The following PCDH10 variants were observed in gnomAD, a reference collection of about 807,000 sequenced individuals.
PCDH10 encodes protocadherin 10.
A neutral mutation model predicts 74.4 loss-of-function variants in PCDH10; 15 were observed. That is an observed-to-expected ratio of 0.20 (90% confidence interval 0.13 to 0.31). PCDH10 has a LOEUF of 0.31. Among genes scored for constraint, PCDH10 ranks in the 10% least tolerant of loss-of-function variants. The probability of loss-of-function intolerance (pLI) is 1.00; values close to 1 mark genes in which losing one functional copy is unlikely to be tolerated. For missense variants in PCDH10, 1,260 were observed against 1,390.2 expected, an observed-to-expected ratio of 0.91 and a Z score of 1.49; for synonymous variants, 619 against 589.8, an observed-to-expected ratio of 1.05 and a Z score of -0.72.
In PCDH10 at chr4:133,191,387, T is replaced by G. The variant is rs952426371; in HGVS notation, c.*1227T>G. The G allele has an allele frequency of 2.6e-5, 4 of 152,246 alleles. No homozygotes were observed. Among genetic ancestry groups the G allele is most frequent in the Non-Finnish European group, 5.9e-5 (4 of 67,802 alleles). 9.4% of individuals were successfully genotyped at this position (152,246 alleles called of 1,614,324 possible). ...GAATAACTATAAAATATGAAAGCTC[T>G]AAATTTAAAATAAATTTAGAGATAG... On this transcript the variant is annotated 3_prime_UTR_variant, in exon 5 of 5. Transcript: ENST00000264360.
chr4:133,176,660 C>G (rs1367505808), intron 4 of PCDH10, among the ~76,000 whole-genome samples: 1 of 152,082 alleles, frequency 6.6e-6, no homozygotes, highest in Non-Finnish European at 1.5e-5. Flanking sequence ...TACAGTCTCC[C>G]TATTTTTCTG....
intron 4 of PCDH10, among the ~76,000 whole-genome samples, chr4:133,170,460 T>G (rs983900305): frequency 2.0e-5 from 3 of 152,142 alleles, no homozygotes; most frequent in African/African-American, 4.8e-5. Flanking sequence ...GTTTCGTGAT[T>G]CAGTGGTATG....
chr4:133,153,322 C>A (rs888698250), intron 1 of PCDH10: 30 of 949,066 alleles, frequency 3.2e-5, no homozygotes, highest in Non-Finnish European at 3.7e-5. Flanking sequence ...ACTCGGGTTG[C>A]AAAAAAAGCC....
At position 133,191,675 on chromosome 4, in the gene PCDH10, A is replaced by C. The variant is rs1371650942; in HGVS notation, c.*1515A>C. On this transcript the variant is annotated 3_prime_UTR_variant, in exon 5 of 5. Transcript: ENST00000264360. Reference sequence around the variant, plus strand: ...ATCAGAGAATATAAGATAATCTTTCAAGCAAAAAACAGAATTGTCACAGCT... The same window carrying C: ...ATCAGAGAATATAAGATAATCTTTCCAGCAAAAAACAGAATTGTCACAGCT... The C allele has an allele frequency of 6.6e-6, 1 of 151,822 alleles. No individual in the cohort carries two copies. The highest frequency in any genetic ancestry group is 1.5e-5 in the Non-Finnish European group (1 of 67,672). The allele number at this position is 151,822 out of a possible 1,614,324, so 9.4% of individuals were successfully genotyped here. A position where few individuals can be genotyped will look rare whatever the true frequency, so the allele number is the denominator to read the frequency against.
chr4:133,197,747 A>G (rs531717956), downstream of PCDH10, among the ~76,000 whole-genome samples: 5 of 152,294 alleles, frequency 3.3e-5, no homozygotes, highest in African/African-American at 7.2e-5. Context: ...AATCTGAAAC[A>G]CAATCCCCAT....
chr4:133,154,332 G>A lies in PCDH10; in HGVS notation c.2657G>A (p.Ser886Asn). 1 of 1,607,616 alleles carries A rather than the reference G, an allele frequency of 6.2e-7. No homozygotes were observed. ...ACTAAACACCAGCGAGCAGAGCTCA[G>A]CTATCTAGTTGACAGACCTCGCCGA... The part of the protein sequence containing the change: ...NETKHQRAEL[S>N]YLVDRPRRVN... Residue 886 changes from serine (S) to asparagine (N), a missense_variant, in exon 2 of 5, where the codon AGC becomes AAC. Ser to Asn is a conservative substitution (Grantham distance 46, BLOSUM62 1). This residue lies in a region of PCDH10 where 587 missense variants were observed against 616.9 expected (regional missense o/e 0.95). Transcript: ENST00000264360.
downstream of PCDH10, among the ~76,000 whole-genome samples, chr4:133,195,756 A>G (rs1315046857): frequency 6.6e-6 from 1 of 152,086 alleles, no homozygotes; most frequent in East Asian, 1.9e-4. Context: ...AAAATAGAAA[A>G]ATAGATTAGA....
intron 3 of PCDH10, among the ~76,000 whole-genome samples, chr4:133,162,707 C>T (rs1163133924): frequency 6.6e-6 from 1 of 152,112 alleles, no homozygotes; most frequent in Non-Finnish European, 1.5e-5. Flanking sequence ...CAATATTTTG[C>T]CCAATACCCT....
chr4:133,186,881 C>A (rs1246937816), intron 4 of PCDH10, among the ~76,000 whole-genome samples: 2 of 152,008 alleles, frequency 1.3e-5, no homozygotes, highest in East Asian at 1.9e-4. Context: ...CTAAACCCTG[C>A]TAACTTTTGT....
chr4:133,172,748 A>C (rs375484971), intron 4 of PCDH10, among the ~76,000 whole-genome samples: 1 of 151,990 alleles, frequency 6.6e-6, no homozygotes, highest in South Asian at 2.1e-4. Flanking sequence ...TATTTCCTTG[A>C]TAATATAGGG....
chr4:133,180,035 T>G (rs11931561), intron 4 of PCDH10, among the ~76,000 whole-genome samples: 9,153 of 152,070 alleles, frequency 0.06, 724 homozygotes, highest in African/African-American at 0.19. Context: ...CTATTTTATC[T>G]TCTTTCAAAT....
chr4:133,182,376 G>A (rs1727435209), intron 4 of PCDH10, among the ~76,000 whole-genome samples: 1 of 151,984 alleles, frequency 6.6e-6, no homozygotes, highest in African/African-American at 2.4e-5. Flanking sequence ...AAGGAACTGT[G>A]TATTTTTTTA....
chr4:133,183,460 T>C (rs1054852485), intron 4 of PCDH10, among the ~76,000 whole-genome samples: 1 of 152,132 alleles, frequency 6.6e-6, no homozygotes, highest in Non-Finnish European at 1.5e-5. Flanking sequence ...TACAAAGCTA[T>C]GTGAGGGTAA....
chr4:133,160,659 C>T (rs1484620405), intron 3 of PCDH10, among the ~76,000 whole-genome samples: 2 of 149,372 alleles, frequency 1.3e-5, no homozygotes, highest in South Asian at 2.1e-4. Flanking sequence ...TGTGTGGAAT[C>T]GTCATATTCA....
chr4:133,151,905 G>A lies in PCDH10; in HGVS notation c.1765G>A (p.Val589Met), dbSNP rs749146027. ...GCGCAACGGGACTCCAGCGCGTGAG[G>A]TGCTGCCCCGCTCGGCGGAGCCGGG... ...PGRNGTPARE[V>M]LPRSAEPGYL... The change falls in exon 1 of 5, where the codon GTG (valine) becomes ATG (methionine). Residue 589 changes from valine (V) to methionine (M), a missense_variant. Physicochemically the swap from Val to Met is conservative, Grantham distance 21. Around this residue, in one of 11 missense-constraint regions of PCDH10, gnomAD observed 587 missense variants for 616.9 expected, o/e 0.95. Transcript: ENST00000264360. The A allele has an allele frequency of 1.2e-6, 2 of 1,612,648 alleles. No individual in the cohort carries two copies. Among genetic ancestry groups the A allele is most frequent in the Non-Finnish European group, 8.5e-7 (1 of 1,179,818 alleles).
chr4:133,201,925 G>T lies in PCDH10; in HGVS notation n.438-6151G>T, dbSNP rs144264402. ...AATAAAGACAATTCTTTGGCTAGGG[G>T]AATCTTATCTTTGGGAGCAGAGTGA... is the stretch of plus-strand genomic sequence containing the variant. On this transcript the variant is annotated intron_variant and non_coding_transcript_variant, in intron 2 of 2. Coordinates refer to the PCDH10 transcript ENST00000511112. Among the ~76,000 whole-genome samples, 36 of 152,000 alleles carry T rather than the reference G, an allele frequency of 2.4e-4. No homozygotes were observed. In the East Asian group the frequency reaches 6.8e-3, roughly 29 times the overall value.
Position 133,152,618 on chromosome 4 carries a change from C to T in PCDH10, c.2478C>T (p.Thr826=). 1.2e-6 allele frequency: 2 copies of T among 1,614,174 alleles called. No homozygotes were observed. The highest frequency in any genetic ancestry group is 1.7e-6 in the Non-Finnish European group (2 of 1,180,032). The change falls in exon 1 of 5, where the codon ACC becomes ACT. Residue 826 remains threonine, a synonymous_variant. Coordinates refer to ENST00000264360, the MANE Select transcript of PCDH10 (RefSeq NM_032961.3). ...ATTACTGCTATCAGGTATGCCTGACCCCTGAGTCCGCCAAGACCGACCTGA... is the reference window on the plus strand; with the variant it reads ...ATTACTGCTATCAGGTATGCCTGACTCCTGAGTCCGCCAAGACCGACCTGA... The part of the protein sequence containing the change: ...NQNYCYQVCL[T]PESAKTDLMF...
In PCDH10 at chr4:133,161,536, T is replaced by C. The variant is rs116412493; in HGVS notation, c.2798-1441T>C. ...AGAATACTATCAGGAATTTAAAAAC[T>C]AAAACTTGCTCAAGAGCTCAAATCA... On this transcript the variant is annotated intron_variant, in intron 3 of 4. Transcript: ENST00000264360. 1.0e-2 allele frequency among the ~76,000 whole-genome samples: 1,515 copies of C among 152,102 alleles called. 32 individuals are homozygous for C. The highest frequency in any genetic ancestry group is 0.034 in the African/African-American group (1,432 of 41,532).
chr4:133,203,435 G>C, intron 2 of PCDH10, among the ~76,000 whole-genome samples: 1 of 152,076 alleles, frequency 6.6e-6, no homozygotes, highest in Admixed American at 6.5e-5. Context: ...TGCATCATAG[G>C]ATTTAAGAGC....
Sources: allele counts gnomAD v4.1 joint callset (sites outside exome capture counted in the v4.1 genomes callset), GRCh38; gene constraint gnomAD v4.1.1; regional missense constraint gnomAD v4.1.1; transcripts MANE v1.5; gene names NCBI Gene and HGNC (gene_info 2026-07-23, HGNC 2026-07-21).